MCTP2: variants seen among roughly 807,000 people sequenced by gnomAD.
MCTP2 encodes the protein multiple C2 and transmembrane domain-containing protein 2.
Under a neutral mutation model 111.6 loss-of-function variants are expected in MCTP2, and 132 were observed. The observed-to-expected ratio is 1.18, with a 90% CI of 1.03 to 1.37. The LOEUF (loss-of-function observed/expected upper bound fraction) is 1.37. Ranked by LOEUF, MCTP2 falls within the 40% of genes most tolerant of loss-of-function variation. The pLI, the probability that MCTP2 is intolerant of heterozygous loss-of-function variation, is 0.00. For synonymous variants in MCTP2, 395 were observed against 387.7 expected, an observed-to-expected ratio of 1.02 and a Z score of -0.22; for missense variants, 1,183 against 1,067.9, an observed-to-expected ratio of 1.11 and a Z score of -1.50.
chr15:94,451,067 TTTTC>T (rs2084419542), intron 19 of MCTP2, among the ~76,000 whole-genome samples: 1 of 152,216 alleles, frequency 6.6e-6, no homozygotes, highest in African/African-American at 2.4e-5. Flanking sequence ...TTAAAATTTT[TTTTC>T]TTTTTTAAAA....
intron 4 of MCTP2, among the ~76,000 whole-genome samples, chr15:94,329,608 C>T (rs541990549): frequency 6.6e-6 from 1 of 152,262 alleles, no homozygotes; most frequent in East Asian, 1.9e-4. Flanking sequence ...ACAGTACCAA[C>T]AGGGATGATG....
rs532069144 is a variant in MCTP2 at position 94,433,273 on chromosome 15, C to G, written c.2086-6903C>G. Among the ~76,000 whole-genome samples the G allele has an allele frequency of 2.0e-5, 3 of 152,200 alleles. No individual in the cohort carries two copies. The South Asian group carries it at 6.2e-4, about 32-fold the overall frequency. On this transcript the variant is annotated intron_variant, in intron 17 of 22. Coordinates refer to ENST00000357742, the MANE Select transcript of MCTP2 (RefSeq NM_001385001.1). ...GTATACATTTTCATAAAAACTATTG[C>G]AGATAAATTTTAGGATAGAAAGTGA...
intron 12 of MCTP2, among the ~76,000 whole-genome samples, chr15:94,377,437 A>T (rs1249016022): frequency 6.6e-6 from 1 of 152,188 alleles, no homozygotes; most frequent in Non-Finnish European, 1.5e-5. Flanking sequence ...CTTCCAGAGA[A>T]CATGGACTGT....
At chr15:94,412,837 A>G (rs2152486754) in intron 17 of MCTP2, among the ~76,000 whole-genome samples, 1 of 152,054 alleles carries the variant, frequency 6.6e-6, no homozygotes, top group East Asian at 1.9e-4. Flanking sequence ...AAACTTTTAT[A>G]GGCTAATTCA....
chr15:94,458,961 C>T (rs912652258), intron 20 of MCTP2, among the ~76,000 whole-genome samples: 1 of 152,172 alleles, frequency 6.6e-6, no homozygotes, highest in Admixed American at 6.5e-5. Context: ...GCTTGCCACC[C>T]CCATCTTAGG....
intron 17 of MCTP2, among the ~76,000 whole-genome samples, chr15:94,424,813 C>T (rs558777837): frequency 3.9e-5 from 6 of 152,210 alleles, no homozygotes; most frequent in South Asian, 4.1e-4. Context: ...AATACTTACA[C>T]GTTTCATATG....
rs532898601 is a variant in MCTP2, at chr15:94,319,648, T to G, written c.637+4011T>G. 4.6e-5 allele frequency among the ~76,000 whole-genome samples: 7 copies of G among 152,326 alleles called. No individual in the cohort carries two copies. In the South Asian group the frequency reaches 1.4e-3, roughly 32 times the overall value. ...CATGAGAAGAAACCCATGCTTCTCC[T>G]TAGAGGTAGAGTTTCAACTCTTGAT... On this transcript the variant is annotated intron_variant, in intron 4 of 22. Transcript: ENST00000357742.
chr15:94,419,039 A>G (rs1023522112), intron 17 of MCTP2, among the ~76,000 whole-genome samples: 6 of 152,170 alleles, frequency 3.9e-5, no homozygotes, highest in African/African-American at 1.4e-4. Context: ...GTATAGTTAT[A>G]CTGTGAAACT....
At chr15:94,297,323 A>G (rs973022883) in intron 1 of MCTP2, among the ~76,000 whole-genome samples, 3 of 152,212 alleles carry the variant, frequency 2.0e-5, no homozygotes, top group Non-Finnish European at 4.4e-5. Flanking sequence ...TGTGTGAAGC[A>G]TCCTTATCCC....
chr15:94,351,407 C>T (rs1322138763), intron 8 of MCTP2, among the ~76,000 whole-genome samples: 1 of 152,218 alleles, frequency 6.6e-6, no homozygotes, highest in Non-Finnish European at 1.5e-5. Context: ...TTCAGTGAAA[C>T]ATTTTATAGG....
chr15:94,256,330 C>G (rs199723130), intron 1 of MCTP2, among the ~76,000 whole-genome samples: 1 of 140,950 alleles, frequency 7.1e-6, no homozygotes. Flanking sequence ...GTTCCAAAAT[C>G]TACAAAAATC....
At chr15:94,369,433 A>G (rs1265668927) in intron 11 of MCTP2, among the ~76,000 whole-genome samples, 1 of 152,208 alleles carries the variant, frequency 6.6e-6, no homozygotes, top group Non-Finnish European at 1.5e-5. Context: ...TTTCTTAAGG[A>G]TGCCATGTAT....
chr15:94,418,261 G>T (rs920432240), intron 17 of MCTP2, among the ~76,000 whole-genome samples: 2 of 152,088 alleles, frequency 1.3e-5, no homozygotes, highest in Non-Finnish European at 2.9e-5. Flanking sequence ...CCCATGGAGG[G>T]CCCCACAGTG....
chr15:94,403,186 C>A, intron 17 of MCTP2: 1 of 985,342 alleles, frequency 1.0e-6, no homozygotes, highest in Non-Finnish European at 1.2e-6. Context: ...CTTGACCTTT[C>A]CTATACTTTT....
At chr15:94,449,273 T>C (rs2084300852) in intron 19 of MCTP2, among the ~76,000 whole-genome samples, 1 of 152,240 alleles carries the variant, frequency 6.6e-6, no homozygotes, top group Non-Finnish European at 1.5e-5. Context: ...AGGCTGCTTT[T>C]ATGTGCAGGA....
At chr15:94,398,596 C>T (rs768900721) in intron 14 of MCTP2, among the ~76,000 whole-genome samples, 6 of 152,204 alleles carry the variant, frequency 3.9e-5, no homozygotes, top group Non-Finnish European at 8.8e-5. Context: ...TAATCTGTGA[C>T]AGTTTCCTAG....
intron 17 of MCTP2, among the ~76,000 whole-genome samples, chr15:94,435,065 T>A (rs1308681930): frequency 6.6e-6 from 1 of 152,104 alleles, no homozygotes; most frequent in East Asian, 1.9e-4. Flanking sequence ...GGTTTCACCA[T>A]GTTGGCCAAG....
chr15:94,394,925 T>C (rs1014234501), intron 14 of MCTP2, among the ~76,000 whole-genome samples: 1 of 152,174 alleles, frequency 6.6e-6, no homozygotes, highest in African/African-American at 2.4e-5. Flanking sequence ...ATGAATGGAT[T>C]GTCTCAAAAA....
chr15:94,341,180 G>T, intron 7 of MCTP2: 1 of 394,422 alleles, frequency 2.5e-6, no homozygotes, highest in Non-Finnish European at 4.7e-6. Context: ...CAGCATTTTG[G>T]TTTCTTCTTT....
Sources: allele counts gnomAD v4.1 joint callset (sites outside exome capture counted in the v4.1 genomes callset), GRCh38; gene constraint gnomAD v4.1.1; transcripts MANE v1.5; gene names NCBI Gene and HGNC (gene_info 2026-07-23, HGNC 2026-07-21).